The following ATG3 variants were observed in gnomAD, a reference collection of about 807,000 sequenced individuals.
ATG3 encodes the protein ubiquitin-like-conjugating enzyme ATG3.
In ATG3, 25 loss-of-function variants were observed where a neutral mutation model predicts 50.7. That is an observed-to-expected ratio of 0.49 (90% CI 0.36 to 0.69). The LOEUF is 0.69. ATG3 is among the 30% of genes least tolerant of loss of function. ATG3 has a pLI of 0.00. For missense variants in ATG3, 281 were observed against 376.0 expected (o/e 0.75, Z 2.09); for synonymous variants, 119 against 125.5 (o/e 0.95, Z 0.34).
chr3:112,559,110 A>T (rs1242913070), intron 1 of ATG3, among the ~76,000 whole-genome samples: 1 of 152,260 alleles, frequency 6.6e-6, no homozygotes, highest in Non-Finnish European at 1.5e-5. Context: ...AAATGAACAA[A>T]TACCTTTATT....
chr3:112,549,347 T>TA (rs1222300145), intron 4 of ATG3, among the ~76,000 whole-genome samples: 1 of 152,168 alleles, frequency 6.6e-6, no homozygotes, highest in Non-Finnish European at 1.5e-5. Context: ...TCAGCCTTTG[T>TA]AAAAAGAAAT....
chr3:112,558,501 G>T, intron 1 of ATG3, 84 bp from the exon 2 acceptor site: 1 of 1,064,886 alleles, frequency 9.4e-7, no homozygotes, highest in Non-Finnish European at 1.4e-6. Flanking sequence ...TTTGCCTGGT[G>T]CCCTTCTAGG....
rs1306049498 is a variant in ATG3, at chr3:112,541,873, C to T, written c.405G>A (p.Arg135=). The part of the protein sequence containing the change: ...EITLENKDNI[R]LQDCSALCEE... ...CACATAGTGCTGAGCAATCTTGAAGCCTTATATTGTCCTTTGAAATTAATT... is the reference window on the plus strand; with the variant it reads ...CACATAGTGCTGAGCAATCTTGAAGTCTTATATTGTCCTTTGAAATTAATT... Residue 135 remains arginine, a synonymous_variant, in exon 7 of 12, where the codon AGG becomes AGA. Coordinates refer to ENST00000283290, the MANE Select transcript of ATG3 (RefSeq NM_022488.5). The T allele has an allele frequency of 3.7e-6, 6 of 1,610,430 alleles. No individual in the cohort carries two copies. The highest frequency in any genetic ancestry group is 5.1e-6 in the Non-Finnish European group (6 of 1,178,614).
intron 3 of ATG3, among the ~76,000 whole-genome samples, chr3:112,551,480 G>A (rs1252260631): frequency 1.3e-5 from 2 of 151,978 alleles, no homozygotes; most frequent in African/African-American, 2.4e-5. Context: ...ACTGAAGTGG[G>A]GTATAATTCA....
In ATG3 at chr3:112,550,274, GT is replaced by G. The variant is rs765694230; in HGVS notation, c.165-13del. On this transcript the variant is annotated splice_polypyrimidine_tract_variant and intron_variant, in intron 3 of 11. Coordinates refer to ENST00000283290, the MANE Select transcript of ATG3 (RefSeq NM_022488.5). ...CTTCCCCTGTAGCCCTTTAAAAACA[GT>G]GAAAAGCACCAAAATACAAAACATA... is the stretch of plus-strand genomic sequence containing the variant. 3 of 1,601,290 alleles carry G rather than the reference GT, an allele frequency of 1.9e-6. No homozygotes were observed. Among genetic ancestry groups the G allele is most frequent in the East Asian group, 4.5e-5 (2 of 44,634 alleles).
At chr3:112,556,627 AT>A (rs1933691067) in intron 2 of ATG3, among the ~76,000 whole-genome samples, 1 of 152,118 alleles carries the variant, frequency 6.6e-6, no homozygotes, top group Non-Finnish European at 1.5e-5. Context: ...GATGGTTGCC[AT>A]GTCTGTGTAG....
At chr3:112,534,439 T>G (rs1264703751) in intron 10 of ATG3, 102 bp from the exon 11 acceptor site, 1 of 804,918 alleles carries the variant, frequency 1.2e-6, no homozygotes, top group African/African-American at 1.8e-5. Context: ...TTACTCTCAG[T>G]GAATTAATTT....
intron 6 of ATG3, 40 bp downstream of exon 6, chr3:112,544,017 C>G (rs779762652): frequency 1.4e-6 from 2 of 1,439,952 alleles, no homozygotes; most frequent in Middle Eastern, 1.8e-4. Context: ...AGGCAAATAA[C>G]TACTCATTAA....
In ATG3 at chr3:112,561,570, A is replaced by C. The variant is rs752244557; in HGVS notation, c.-42T>G. 3.8e-6 allele frequency: 6 copies of C among 1,590,828 alleles called. No individual in the cohort carries two copies. The highest frequency in any genetic ancestry group is 5.1e-6 in the Non-Finnish European group (6 of 1,167,384). On this transcript the variant is annotated 5_prime_UTR_variant, in exon 1 of 12. Transcript: ENST00000283290. The stretch of plus-strand genomic sequence containing the variant: ...CGGCCGGCCCCGCGACGGGATGGAA[A>C]GTGCAGCCGTGTCAGGGGCCAGGGA...
intron 9 of ATG3, 94 bp from the exon 10 acceptor site, chr3:112,536,696 C>T (rs532629111): frequency 1.1e-5 from 15 of 1,342,356 alleles, no homozygotes; most frequent in Admixed American, 3.9e-5. Context: ...CTGAGGTGGG[C>T]GGATCACATG....
At chr3:112,559,211 T>C (rs915532252) in intron 1 of ATG3, among the ~76,000 whole-genome samples, 2 of 152,226 alleles carry the variant, frequency 1.3e-5, no homozygotes, top group African/African-American at 4.8e-5. Flanking sequence ...AAACCAAATC[T>C]AGAAATTATT....
At chr3:112,551,504 A>G (rs1017301566) in intron 3 of ATG3, among the ~76,000 whole-genome samples, 2 of 152,216 alleles carry the variant, frequency 1.3e-5, no homozygotes, top group Admixed American at 6.5e-5. Flanking sequence ...CTAAGTTACA[A>G]TAAAAGTATT....
rs1270697976 is a variant in ATG3, at chr3:112,558,364, T to G, written c.114+12A>C. On this transcript the variant is annotated intron_variant, in intron 2 of 11. Transcript: ENST00000283290. The stretch of plus-strand genomic sequence containing the variant: ...TAAAATAAAAAGACTTCAGTATATC[T>G]TCAGCACTCACCTCTTCTGGGGTAA... 6.3e-7 allele frequency: 1 copy of G among 1,596,824 alleles called. No individual in the cohort carries two copies. The highest frequency in any genetic ancestry group is 8.6e-7 in the Non-Finnish European group (1 of 1,166,278).
At position 112,544,120 on chromosome 3, in the gene ATG3, G is replaced by A. The variant is rs755803943; in HGVS notation, c.344-14C>T. Reference sequence around the variant, plus strand: ...TTCCTGTAATACCTATGTAAAATTCGGCAGAAAAGAATAACTAAAATTAAA... The same window carrying A: ...TTCCTGTAATACCTATGTAAAATTCAGCAGAAAAGAATAACTAAAATTAAA... On this transcript the variant is annotated splice_polypyrimidine_tract_variant and intron_variant, in intron 5 of 11. Coordinates refer to ENST00000283290, the MANE Select transcript of ATG3 (RefSeq NM_022488.5). The A allele has an allele frequency of 1.5e-5, 24 of 1,587,168 alleles. No homozygotes were observed. The highest frequency in any genetic ancestry group is 2.2e-5 in the East Asian group (1 of 44,646).
intron 6 of ATG3, among the ~76,000 whole-genome samples, chr3:112,542,613 T>C (rs945943862): frequency 6.6e-6 from 1 of 152,048 alleles, no homozygotes; most frequent in South Asian, 2.1e-4. Flanking sequence ...ACACCCAAAA[T>C]TGAAACCACA....
At chr3:112,552,012 C>T (rs1053241813) in intron 3 of ATG3, among the ~76,000 whole-genome samples, 1 of 152,100 alleles carries the variant, frequency 6.6e-6, no homozygotes, top group South Asian at 2.1e-4. Flanking sequence ...GTTTCAGCGA[C>T]ACGGTAAGTA....
chr3:112,532,935 G>C (rs2082566596), intron 11 of ATG3, 155 bp from the exon 12 acceptor site: 2 of 1,298,188 alleles, frequency 1.5e-6, no homozygotes, highest in African/African-American at 1.5e-5. Flanking sequence ...ATGCAAATTT[G>C]TGTCTATTTA....
intron 5 of ATG3, among the ~76,000 whole-genome samples, chr3:112,546,484 A>G (rs1933373654): frequency 2.6e-5 from 4 of 152,208 alleles, no homozygotes; most frequent in African/African-American, 7.2e-5. Context: ...CTGATGAATT[A>G]TTTCTGGAAT....
chr3:112,534,033 C>T, intron 11 of ATG3: 1 of 1,236,318 alleles, frequency 8.1e-7, no homozygotes, highest in Non-Finnish European at 1.0e-6. Context: ...TTAGTAGTTA[C>T]CTCTGTAACA....
Sources: allele counts gnomAD v4.1 joint callset (sites outside exome capture counted in the v4.1 genomes callset), GRCh38; gene constraint gnomAD v4.1.1; transcripts MANE v1.5; gene names NCBI Gene and HGNC (gene_info 2026-07-23, HGNC 2026-07-21).